DSE: variants seen among roughly 807,000 people sequenced by gnomAD.
The protein encoded by DSE is dermatan sulfate epimerase.
DSE carries 36 observed loss-of-function variants against 84.4 expected under a neutral mutation model. The ratio of observed to expected loss-of-function variants is 0.43; its 90% CI spans 0.33 to 0.56. The LOEUF is 0.56. Among genes scored for constraint, DSE ranks in the 20% least tolerant of loss-of-function variants. The pLI is 0.06. For synonymous variants in DSE, 410 were observed against 430.1 expected, an observed-to-expected ratio of 0.95 and a Z score of 0.58; for missense variants, 862 against 1,169.6, an observed-to-expected ratio of 0.74 and a Z score of 3.84.
At chr6:116,331,104 G>A (rs879336267) in intron 2 of DSE, among the ~76,000 whole-genome samples, 2 of 152,042 alleles carry the variant, frequency 1.3e-5, no homozygotes, top group Non-Finnish European at 2.9e-5. Flanking sequence ...TTGGGCAAAC[G>A]AAGAATAGAA....
chr6:116,314,136 T>C (rs975263161), intron 2 of DSE, among the ~76,000 whole-genome samples: 2 of 152,212 alleles, frequency 1.3e-5, no homozygotes, highest in Non-Finnish European at 2.9e-5. Context: ...TCTAATATTT[T>C]GTCTTTTGCT....
At position 116,278,462 on chromosome 6, in the gene DSE, G is replaced by C. The variant is rs1937753547; in HGVS notation, c.-54+19495G>C. 1.9e-6 allele frequency: 3 copies of C among 1,610,454 alleles called. No individual in the cohort carries two copies. In the Admixed American group the frequency reaches 5.0e-5, roughly 27 times the overall value. ...TACTCATTGCTGATGCCCAAGCACAGGTCCAGCAGAAGGTGGTAGGAGACC... is the reference window on the plus strand; with the variant it reads ...TACTCATTGCTGATGCCCAAGCACACGTCCAGCAGAAGGTGGTAGGAGACC... On this transcript the variant is annotated intron_variant, in intron 2 of 3. Coordinates refer to the DSE transcript ENST00000430252.
chr6:116,430,538 G>A (rs1048635948), intron 3 of DSE, among the ~76,000 whole-genome samples: 2 of 152,064 alleles, frequency 1.3e-5, no homozygotes, highest in East Asian at 1.9e-4. Context: ...CATTTATAGA[G>A]TCAATAACTT....
At chr6:116,298,987 T>G (rs1326574577) in intron 2 of DSE, among the ~76,000 whole-genome samples, 1 of 152,232 alleles carries the variant, frequency 6.6e-6, no homozygotes, top group African/African-American at 2.4e-5. Flanking sequence ...ATGATGATAC[T>G]TGTTTTACCT....
At chr6:116,373,057 TAAAA>T (rs35753373) in intron 1 of DSE, among the ~76,000 whole-genome samples, 1 of 145,482 alleles carries the variant, frequency 6.9e-6, no homozygotes. Flanking sequence ...GAAGGGGAAT[TAAAA>T]AAAAAAAAAA....
intron 2 of DSE, among the ~76,000 whole-genome samples, chr6:116,339,163 A>G (rs961554303): frequency 1.5e-4 from 23 of 152,158 alleles, no homozygotes; most frequent in African/African-American, 5.1e-4. Flanking sequence ...TTCCATGACC[A>G]TGTGTCCTGA....
intron 2 of DSE, among the ~76,000 whole-genome samples, chr6:116,307,339 G>A (rs896160229): frequency 6.6e-6 from 1 of 152,174 alleles, no homozygotes; most frequent in Non-Finnish European, 1.5e-5. Flanking sequence ...CAGACAGCTA[G>A]TTTCTAGTCA....
At chr6:116,279,918 C>T (rs921671668) in intron 2 of DSE, 12 of 1,572,250 alleles carry the variant, frequency 7.6e-6, no homozygotes, top group South Asian at 1.1e-5. Flanking sequence ...ACCGCCCACC[C>T]TACAGTCTCA....
intron 2 of DSE, among the ~76,000 whole-genome samples, chr6:116,320,409 T>A (rs1220532165): frequency 1.3e-5 from 2 of 151,704 alleles, no homozygotes; most frequent in Non-Finnish European, 2.9e-5. Context: ...TAGGATGTAT[T>A]TCTAGATAAA....
At chr6:116,418,487 C>T (rs1420817091) in intron 2 of DSE, among the ~76,000 whole-genome samples, 1 of 152,030 alleles carries the variant, frequency 6.6e-6, no homozygotes, top group Non-Finnish European at 1.5e-5. Flanking sequence ...AAGAGTTGTT[C>T]AGGAAATCTA....
At chr6:116,415,716 T>C (rs1782662772) in intron 2 of DSE, among the ~76,000 whole-genome samples, 1 of 152,180 alleles carries the variant, frequency 6.6e-6, no homozygotes, top group African/African-American at 2.4e-5. Context: ...TGCTATTTTG[T>C]TTTCCATTTC....
intron 2 of DSE, among the ~76,000 whole-genome samples, chr6:116,313,776 G>GA (rs1775823636): frequency 6.6e-6 from 1 of 152,110 alleles, no homozygotes; most frequent in South Asian, 2.1e-4. Context: ...GTTCATATAA[G>GA]AATAAAGAAC....
chr6:116,310,960 A>G lies in DSE; in HGVS notation c.-54+51993A>G, dbSNP rs185190852. Among the ~76,000 whole-genome samples, 49 of 152,210 alleles carry G rather than the reference A, an allele frequency of 3.2e-4. No individual in the cohort carries two copies. In the East Asian group the frequency reaches 8.5e-3, roughly 26 times the overall value. ...GTGTCCAGCCTCAACTTGTTTCCTAATATCTGGCTAGGTGTGCTCTGACCA... is the reference window on the plus strand; with the variant it reads ...GTGTCCAGCCTCAACTTGTTTCCTAGTATCTGGCTAGGTGTGCTCTGACCA... On this transcript the variant is annotated intron_variant, in intron 2 of 3. Coordinates refer to the DSE transcript ENST00000430252.
At chr6:116,304,988 C>G (rs146418756) in intron 2 of DSE, among the ~76,000 whole-genome samples, 58 of 152,258 alleles carry the variant, frequency 3.8e-4, no homozygotes, top group African/African-American at 1.3e-3. Context: ...TGACTTTTTT[C>G]CAGCTGCCTA....
chr6:116,340,352 C>G (rs1242957475), intron 2 of DSE, among the ~76,000 whole-genome samples: 1 of 152,136 alleles, frequency 6.6e-6, no homozygotes, highest in Admixed American at 6.6e-5. Context: ...ATTCTTTCTT[C>G]TGCCATTTTG....
At chr6:116,383,791 C>A (rs1413902309) in intron 1 of DSE, among the ~76,000 whole-genome samples, 9 of 152,106 alleles carry the variant, frequency 5.9e-5, no homozygotes, top group Admixed American at 2.6e-4. Flanking sequence ...TCCTGTGTAT[C>A]CATGGCCAGC....
At chr6:116,402,151 A>G (rs1226507596) in intron 2 of DSE, among the ~76,000 whole-genome samples, 2 of 152,188 alleles carry the variant, frequency 1.3e-5, no homozygotes, top group Admixed American at 6.5e-5. Context: ...ATTTTTACCT[A>G]TGGCAAAGGG....
upstream of DSE, among the ~76,000 whole-genome samples, chr6:116,368,530 T>C (rs918888731): frequency 1.3e-5 from 2 of 152,232 alleles, no homozygotes; most frequent in Admixed American, 6.5e-5. Flanking sequence ...GCATTGAGTG[T>C]AGTTGTTTAG....
At position 116,364,560 on chromosome 6, in the gene DSE, T is replaced by A. The variant is rs375265842; in HGVS notation, c.-53-34638T>A. Among the ~76,000 whole-genome samples, 3 of 152,248 alleles carry A rather than the reference T, an allele frequency of 2.0e-5. No individual in the cohort carries two copies. The South Asian group carries it at 6.2e-4, about 31-fold the overall frequency. ...ATGTTTTACTGGAATTCACTATGTG[T>A]AATACTCAGGCAGCAGAAACTTGAA... On this transcript the variant is annotated intron_variant, in intron 2 of 3. Coordinates refer to the DSE transcript ENST00000430252.
Sources: allele counts gnomAD v4.1 joint callset (sites outside exome capture counted in the v4.1 genomes callset), GRCh38; gene constraint gnomAD v4.1.1; transcripts MANE v1.5; gene names NCBI Gene and HGNC (gene_info 2026-07-23, HGNC 2026-07-21).